COL25A1: variants seen among roughly 807,000 people sequenced by gnomAD.
COL25A1 encodes collagen type XXV alpha 1 chain.
A neutral mutation model predicts 128.4 loss-of-function variants in COL25A1; 103 were observed. The observed-to-expected ratio is 0.80, with a 90% CI of 0.68 to 0.94. The LOEUF (loss-of-function observed/expected upper bound fraction) is 0.94. Among genes scored for constraint, COL25A1 ranks in the 40% least tolerant of loss-of-function variants. The probability of loss-of-function intolerance (pLI) is 0.00; values close to 1 mark genes in which losing one functional copy is unlikely to be tolerated. For missense variants in COL25A1, 745 were observed against 840.0 expected (o/e 0.89, Z 1.40); for synonymous variants, 279 against 277.2 (o/e 1.01, Z -0.06).
chr4:108,845,157 G>A (rs777387048), intron 29 of COL25A1, 32 bp downstream of exon 29: 1 of 1,585,850 alleles, frequency 6.3e-7, no homozygotes, highest in Non-Finnish European at 8.7e-7. Flanking sequence ...GGAGGTTCAG[G>A]AACAATGGAA....
chr4:108,970,315 A>C (rs1751777208), intron 8 of COL25A1, among the ~76,000 whole-genome samples: 1 of 152,228 alleles, frequency 6.6e-6, no homozygotes, highest in Admixed American at 6.5e-5. Flanking sequence ...CACGCTAGAC[A>C]TTCAAAATGC....
chr4:108,862,363 C>A, intron 22 of COL25A1, 138 bp downstream of exon 22: 1 of 704,930 alleles, frequency 1.4e-6, no homozygotes, highest in Non-Finnish European at 2.6e-6. Context: ...ACTGCAATCC[C>A]TTTTGCAATA....
rs1354411421 is a variant in COL25A1 at position 108,813,535 on chromosome 4, C to T, written c.*392G>A. 1 of 192,686 alleles carries T rather than the reference C, an allele frequency of 5.2e-6. No homozygotes were observed. The highest frequency in any genetic ancestry group is 2.4e-5 in the African/African-American group (1 of 42,306). The allele number at this position is 192,686 out of a possible 1,614,324, so 11.9% of individuals were successfully genotyped here. A position where few individuals can be genotyped will look rare whatever the true frequency, so the allele number is the denominator to read the frequency against. On this transcript the variant is annotated 3_prime_UTR_variant, in exon 38 of 38. Transcript: ENST00000399132. ...AGCTCTAAAATCAGTCAGTATAGTA[C>T]ATTTTCATAGCTTTGAGTCCATATT...
At chr4:108,830,399 T>C (rs1732939287) in intron 32 of COL25A1, among the ~76,000 whole-genome samples, 1 of 152,198 alleles carries the variant, frequency 6.6e-6, no homozygotes, top group African/African-American at 2.4e-5. Flanking sequence ...GGTTCTTTAA[T>C]TTGCACATCA....
chr4:108,847,853 C>T (rs1327576384), intron 27 of COL25A1, among the ~76,000 whole-genome samples: 2 of 152,098 alleles, frequency 1.3e-5, no homozygotes, highest in Non-Finnish European at 2.9e-5. Flanking sequence ...CTATCTAATA[C>T]TTTCTTCTGA....
At chr4:109,216,320 A>T (rs933059046) in intron 3 of COL25A1, among the ~76,000 whole-genome samples, 1 of 151,864 alleles carries the variant, frequency 6.6e-6, no homozygotes, top group Non-Finnish European at 1.5e-5. Flanking sequence ...GAAAGACGGA[A>T]GGAAGGAAGG....
intron 3 of COL25A1, among the ~76,000 whole-genome samples, chr4:109,292,337 A>G (rs1234113791): frequency 1.3e-5 from 2 of 152,124 alleles, no homozygotes; most frequent in Non-Finnish European, 1.5e-5. Context: ...CGAGATTTGT[A>G]TTAGTTTTAA....
chr4:108,958,936 C>T (rs1247134937), intron 8 of COL25A1, among the ~76,000 whole-genome samples: 1 of 151,936 alleles, frequency 6.6e-6, no homozygotes, highest in Non-Finnish European at 1.5e-5. Flanking sequence ...TTAAAATAAA[C>T]AGTATGTAAT....
Position 109,037,096 on chromosome 4 carries a change from G to A in COL25A1, c.420+11072C>T, listed in dbSNP as rs137975636. On this transcript the variant is annotated intron_variant, in intron 5 of 37. Coordinates refer to ENST00000399132, the MANE Select transcript of COL25A1 (RefSeq NM_198721.4). ...AAAGCTCTTAGAATGCTTCCATTTCGTCTCCCAGAAGAACATCATAACATA... is the reference window on the plus strand; with the variant it reads ...AAAGCTCTTAGAATGCTTCCATTTCATCTCCCAGAAGAACATCATAACATA... 1.6e-4 allele frequency among the ~76,000 whole-genome samples: 25 copies of A among 152,212 alleles called. No individual in the cohort carries two copies. In the East Asian group the frequency reaches 2.7e-3, roughly 16 times the overall value.
chr4:109,271,717 C>G (rs554807245), intron 3 of COL25A1, among the ~76,000 whole-genome samples: 251 of 152,306 alleles, frequency 1.6e-3, no homozygotes, highest in African/African-American at 5.7e-3. Flanking sequence ...CTGAACACCA[C>G]AGTGATTTTT....
intron 5 of COL25A1, among the ~76,000 whole-genome samples, chr4:109,011,307 G>C (rs905610816): frequency 1.3e-5 from 2 of 152,148 alleles, no homozygotes; most frequent in Non-Finnish European, 2.9e-5. Context: ...CCCAGAGAAG[G>C]CCCAGGAACT....
At chr4:109,257,852 G>C (rs1781177528) in intron 3 of COL25A1, among the ~76,000 whole-genome samples, 1 of 152,194 alleles carries the variant, frequency 6.6e-6, no homozygotes, top group Admixed American at 6.5e-5. Context: ...AACTGTGAAG[G>C]AGGAATTAAG....
chr4:109,267,172 A>T (rs1412951562), intron 3 of COL25A1, among the ~76,000 whole-genome samples: 2 of 152,194 alleles, frequency 1.3e-5, no homozygotes, highest in Non-Finnish European at 2.9e-5. Context: ...AAGTCCACTG[A>T]GTTTTCTGTG....
At chr4:109,292,614 G>A (rs545483712) in intron 3 of COL25A1, among the ~76,000 whole-genome samples, 1 of 152,080 alleles carries the variant, frequency 6.6e-6, no homozygotes, top group East Asian at 1.9e-4. Flanking sequence ...CGCTTATCTG[G>A]GAAGAGACTG....
At chr4:109,231,972 G>A (rs905617873) in intron 3 of COL25A1, among the ~76,000 whole-genome samples, 8 of 152,044 alleles carry the variant, frequency 5.3e-5, no homozygotes, top group African/African-American at 1.9e-4. Flanking sequence ...CTCAACATAC[G>A]ATAGTTCTTT....
At chr4:109,022,180 A>AT (rs1363644082) in intron 5 of COL25A1, 1 of 453,392 alleles carries the variant, frequency 2.2e-6, no homozygotes, top group Admixed American at 2.4e-5. Context: ...CCGATATGTG[A>AT]TGTTGCCCCT....
At chr4:108,969,966 A>C (rs775661176) in intron 8 of COL25A1, among the ~76,000 whole-genome samples, 4 of 151,904 alleles carry the variant, frequency 2.6e-5, no homozygotes, top group Admixed American at 6.6e-5. Flanking sequence ...CAATCATGCT[A>C]TCTTGGCTCA....
At chr4:109,114,292 T>C (rs1767312146) in intron 3 of COL25A1, among the ~76,000 whole-genome samples, 1 of 152,096 alleles carries the variant, frequency 6.6e-6, no homozygotes, top group South Asian at 2.1e-4. Flanking sequence ...TAGTTCAATA[T>C]TGGCATAGTT....
chr4:108,834,740 A>AC (rs1465750183), intron 31 of COL25A1, among the ~76,000 whole-genome samples: 1 of 152,178 alleles, frequency 6.6e-6, no homozygotes, highest in East Asian at 1.9e-4. Context: ...TGTGCTATTC[A>AC]CCATATATTT....
Sources: allele counts gnomAD v4.1 joint callset (sites outside exome capture counted in the v4.1 genomes callset), GRCh38; gene constraint gnomAD v4.1.1; transcripts MANE v1.5; gene names NCBI Gene and HGNC (gene_info 2026-07-23, HGNC 2026-07-21).